The following AATK variants were observed in gnomAD, a reference collection of about 807,000 sequenced individuals.
AATK encodes the protein lemur tail kinase 1.
In AATK, 91 loss-of-function variants were observed where a neutral mutation model predicts 114.3. That is an observed-to-expected ratio of 0.80 (90% CI 0.67 to 0.95). The LOEUF is 0.95. Among genes scored for constraint, AATK ranks in the 40% least tolerant of loss-of-function variants. The pLI is 0.00. For missense variants in AATK, 2,176 were observed against 1,965.2 expected (o/e 1.11, Z -2.03); for synonymous variants, 1,075 against 916.5 (o/e 1.17, Z -3.12).
In AATK at chr17:81,124,347, C is replaced by T. The variant is rs2060761170; in HGVS notation, c.962+380G>A. 2.6e-5 allele frequency among the ~76,000 whole-genome samples: 4 copies of T among 152,206 alleles called. No individual in the cohort carries two copies. The South Asian group carries it at 8.3e-4, about 31-fold the overall frequency. On this transcript the variant is annotated intron_variant, in intron 9 of 13. Coordinates refer to ENST00000326724, the MANE Select transcript of AATK (RefSeq NM_001080395.3). ...CTGCGGCCGTGGGAGATCCCAGCAC[C>T]ACCGTCAGCCCCTCTGCCTGGCACG...
chr17:81,141,928 CTT>C (rs2061143845), intron 1 of AATK, among the ~76,000 whole-genome samples: 1 of 77,048 alleles, frequency 1.3e-5, no homozygotes, highest in Non-Finnish European at 2.9e-5. Flanking sequence ...TCCTTCCTTC[CTT>C]CCTTCCTTCC....
In AATK at chr17:81,118,459, C is replaced by T. The variant is rs1410608682; in HGVS notation, c.4085-17G>A. 1.2e-6 allele frequency: 2 copies of T among 1,604,336 alleles called. No homozygotes were observed. Among genetic ancestry groups the T allele is most frequent in the East Asian group, 2.3e-5 (1 of 44,400 alleles). ...CTTCAGGTCCTGGCAAGCAGGACAA[C>T]AAAGTGAACACAGGGTTCTGAGACA... is the stretch of plus-strand genomic sequence containing the variant. On this transcript the variant is annotated splice_polypyrimidine_tract_variant and intron_variant, in intron 13 of 13. Transcript: ENST00000326724.
intron 1 of AATK, among the ~76,000 whole-genome samples, chr17:81,138,070 G>A (rs866341019): frequency 7.8e-6 from 1 of 127,402 alleles, no homozygotes; most frequent in African/African-American, 3.1e-5. Context: ...CCGTGCACCC[G>A]GACCCACACC....
At chr17:81,136,610 T>C (rs139203643) in intron 1 of AATK, among the ~76,000 whole-genome samples, 2,190 of 152,240 alleles carry the variant, frequency 0.014, 24 homozygotes, top group Middle Eastern at 0.031. Flanking sequence ...TGCTGTGAGT[T>C]CCCCCTCCCC....
At chr17:81,162,106 C>G (rs1367458621) in intron 1 of AATK, among the ~76,000 whole-genome samples, 1 of 152,128 alleles carries the variant, frequency 6.6e-6, no homozygotes, top group Non-Finnish European at 1.5e-5. Context: ...CACCCACACC[C>G]TCCCCGAGTG....
Position 81,131,342 on chromosome 17 carries a change from C to T in AATK, c.190-137G>A, listed in dbSNP as rs879207283. On this transcript the variant is annotated intron_variant, in intron 2 of 13. Coordinates refer to ENST00000326724, the MANE Select transcript of AATK (RefSeq NM_001080395.3). ...GGGGTGCTCGGCCCAGAGTTGGAGCCACCGCCCCTGCAGGCCAATGGCCCA... is the reference window on the plus strand; with the variant it reads ...GGGGTGCTCGGCCCAGAGTTGGAGCTACCGCCCCTGCAGGCCAATGGCCCA... The T allele has an allele frequency of 1.5e-5, 18 of 1,198,482 alleles. No homozygotes were observed. The East Asian group carries it at 3.4e-4, about 23-fold the overall frequency. The allele number at this position is 1,198,482 out of a possible 1,614,324, so 74.2% of individuals were successfully genotyped here.
At position 81,122,397 on chromosome 17, in the gene AATK, C is replaced by CG; in HGVS notation, c.1538dup (p.Val515ArgfsTer32). ...GCGCGCTGAGCACCGGAACCACGCC[C>CG]GGGGGCGCGCCGTCGGGGGCGCACA... On this transcript the variant is annotated frameshift_variant, in exon 11 of 14. Transcript: ENST00000326724. LOFTEE classifies it high-confidence loss of function. The CG allele has an allele frequency of 2.0e-6, 3 of 1,474,904 alleles. No individual in the cohort carries two copies. The highest frequency in any genetic ancestry group is 1.5e-5 in the African/African-American group (1 of 67,812). The allele number at this position is 1,474,904 out of a possible 1,614,324, so 91.4% of individuals were successfully genotyped here. A position where few individuals can be genotyped will look rare whatever the true frequency, so the allele number is the denominator to read the frequency against.
intron 1 of AATK, among the ~76,000 whole-genome samples, chr17:81,155,379 C>G (rs1598216168): frequency 8.5e-6 from 1 of 118,046 alleles, no homozygotes; most frequent in African/African-American, 3.7e-5. Flanking sequence ...TACATTTTAC[C>G]TATTATTATT....
At chr17:81,141,917 CTCCTTCCTTCCTT>C in intron 1 of AATK, among the ~76,000 whole-genome samples, 1 of 132,340 alleles carries the variant, frequency 7.6e-6, no homozygotes, top group African/African-American at 3.0e-5. Flanking sequence ...CTTTCTCCCT[CTCCTTCCTTCCTT>C]CCTTCCTTCC....
intron 1 of AATK, among the ~76,000 whole-genome samples, chr17:81,159,937 C>T (rs967580923): frequency 1.3e-5 from 2 of 152,122 alleles, no homozygotes; most frequent in Non-Finnish European, 2.9e-5. Context: ...GATTCCTGTC[C>T]CTCAGCAGCA....
rs35731140 is a variant in AATK, at chr17:81,148,064, CAA to C, written c.56-13565_56-13564del. 6.0e-3 allele frequency among the ~76,000 whole-genome samples: 609 copies of C among 101,680 alleles called. 2 individuals carry two copies. Among genetic ancestry groups the C allele is most frequent in the East Asian group, 0.029 (92 of 3,202 alleles). 66.7% of individuals were successfully genotyped at this position (101,680 alleles called of 152,430 possible). Reference sequence around the variant, plus strand: ...TTACAAATCCTGATCACAACTTTGTCAAAAAAAAAAAAAAAAAAAAAAAAAGA... The same window carrying C: ...TTACAAATCCTGATCACAACTTTGTCAAAAAAAAAAAAAAAAAAAAAAAGA... On this transcript the variant is annotated intron_variant, in intron 1 of 13. Coordinates refer to ENST00000326724, the MANE Select transcript of AATK (RefSeq NM_001080395.3).
intron 1 of AATK, among the ~76,000 whole-genome samples, chr17:81,138,985 G>A (rs1195450173): frequency 6.7e-6 from 1 of 149,010 alleles, no homozygotes. Context: ...ACACCCACAC[G>A]TGCGTACACA....
At chr17:81,124,599 C>G in intron 9 of AATK, 128 bp downstream of exon 9, 1 of 1,464,456 alleles carries the variant, frequency 6.8e-7, no homozygotes, top group South Asian at 1.4e-5. Context: ...ACTTGGGCTG[C>G]TGGCGTGTGG....
At chr17:81,149,092 A>G (rs1295018580) in intron 1 of AATK, among the ~76,000 whole-genome samples, 1 of 152,136 alleles carries the variant, frequency 6.6e-6, no homozygotes, top group Non-Finnish European at 1.5e-5. Flanking sequence ...AGCAAAAGGG[A>G]TGGCCATCCC....
At position 81,131,143 on chromosome 17, in the gene AATK, C is replaced by T. The variant is rs55665131; in HGVS notation, c.252G>A (p.Thr84=). The change falls in exon 3 of 14, where the codon ACG becomes ACA. Residue 84 remains threonine (T), a synonymous_variant. Transcript: ENST00000326724. ...ACACGTCGGGCCCGTTCTGTGCTGC[C>T]GTGGCCGGGGAGCCCTGCGCCAGGT... The part of the protein sequence containing the change: ...AADLAQGSPA[T]AAQNGPDVYV... The T allele has an allele frequency of 1.4e-3, 2,230 of 1,574,994 alleles. 23 individuals are homozygous for T. In the African/African-American group the frequency reaches 0.026, roughly 19 times the overall value.
At chr17:81,155,821 G>C (rs1307738900) in intron 1 of AATK, among the ~76,000 whole-genome samples, 4 of 152,032 alleles carry the variant, frequency 2.6e-5, no homozygotes, top group African/African-American at 9.7e-5. Context: ...CAGTAGCTGG[G>C]GCTACAGGTG....
chr17:81,134,393 C>T lies in AATK; in HGVS notation c.164G>A (p.Cys55Tyr). The T allele has an allele frequency of 1.9e-6, 3 of 1,613,264 alleles. No homozygotes were observed. The highest frequency in any genetic ancestry group is 2.5e-6 in the Non-Finnish European group (3 of 1,179,790). The stretch of plus-strand genomic sequence containing the variant: ...CTTGAACCCGATACCGCCCTTCTTA[C>T]AGCACAGGCAGGCCAGCATGAGGAC... ...VIVLMLACLC[C>Y]KKGGIGFKEF... Residue 55 changes from cysteine to tyrosine, a missense_variant, in exon 2 of 14, where the codon TGT (cysteine) becomes TAT (tyrosine). Around this residue, in one of 4 missense-constraint regions of AATK, gnomAD observed 178 missense variants for 175.4 expected, o/e 1.01. Coordinates refer to ENST00000326724, the MANE Select transcript of AATK (RefSeq NM_001080395.3).
rs556632636 is a variant in AATK, at chr17:81,118,266, G to T, written c.*136C>A. Reference sequence around the variant, plus strand: ...ATCCCACGGGCTTCTCCAGGACACCGCGTGGGGCAGAGGCACCTGAATCTG... The same window carrying T: ...ATCCCACGGGCTTCTCCAGGACACCTCGTGGGGCAGAGGCACCTGAATCTG... On this transcript the variant is annotated 3_prime_UTR_variant, in exon 14 of 14. Transcript: ENST00000326724. 5 of 848,736 alleles carry T rather than the reference G, an allele frequency of 5.9e-6. No homozygotes were observed. The Admixed American group carries it at 7.3e-5, about 12-fold the overall frequency. The allele number at this position is 848,736 out of a possible 1,614,324, so 52.6% of individuals were successfully genotyped here. A position where few individuals can be genotyped will look rare whatever the true frequency, so the allele number is the denominator to read the frequency against.
At chr17:81,127,255 A>G (rs2060851771) in intron 6 of AATK, among the ~76,000 whole-genome samples, 1 of 150,438 alleles carries the variant, frequency 6.6e-6, no homozygotes, top group Middle Eastern at 3.4e-3. Flanking sequence ...GTGGAGCCCA[A>G]GTGGGCCAGT....
Sources: gnomAD v4.1 joint callset for allele counts (sites outside exome capture counted in the v4.1 genomes callset) on GRCh38, gnomAD v4.1.1 for gene constraint, gnomAD v4.1.1 regional missense constraint, MANE v1.5 for transcripts, NCBI Gene and HGNC (gene_info 2026-07-23, HGNC 2026-07-21) for gene names.